The following ARHGEF28 variants were observed in gnomAD, a reference collection of about 807,000 sequenced individuals.
ARHGEF28 encodes the protein Rho guanine nucleotide exchange factor 28, also known as 190 kDa guanine nucleotide exchange factor.
Under a neutral mutation model 206.6 loss-of-function variants are expected in ARHGEF28, and 152 were observed. That is an observed-to-expected ratio of 0.74 (90% CI 0.64 to 0.84). ARHGEF28 has a LOEUF of 0.84. Among genes scored for constraint, ARHGEF28 ranks in the 40% least tolerant of loss-of-function variants. The pLI is 0.00. For synonymous variants in ARHGEF28, 763 were observed against 776.4 expected (o/e 0.98, Z 0.29); for missense variants, 2,028 against 2,073.2 (o/e 0.98, Z 0.42).
chr5:73,721,691 G>A (rs1749958871), intron 2 of ARHGEF28, among the ~76,000 whole-genome samples: 1 of 152,072 alleles, frequency 6.6e-6, no homozygotes, highest in Non-Finnish European at 1.5e-5. Context: ...TCCCACCTTG[G>A]CCTCCCAAGT....
At chr5:73,741,385 G>GTGTGTATA (rs1561371055) in intron 2 of ARHGEF28, among the ~76,000 whole-genome samples, 1 of 21,858 alleles carries the variant, frequency 4.6e-5, no homozygotes, top group African/African-American at 2.5e-4. Flanking sequence ...GTGTGTGTGT[G>GTGTGTATA]TATATATATA....
At chr5:73,782,268 G>A (rs893082651) in intron 7 of ARHGEF28, among the ~76,000 whole-genome samples, 18 of 151,992 alleles carry the variant, frequency 1.2e-4, no homozygotes, top group African/African-American at 4.1e-4. Flanking sequence ...GCGAAACCCC[G>A]TCTTTACTAA....
chr5:73,776,591 A>C lies in ARHGEF28; in HGVS notation c.735A>C (p.Ser245=). The part of the protein sequence containing the change: ...SEEASLHYIH[S]SETLTLTLNH... ...AAGCCTCCTTGCATTACATTCACTC[A>C]TCGGAAACGCTGACCCTGACCCTGA... The change falls in exon 6 of 36, where the codon TCA becomes TCC. Residue 245 remains serine (S), a synonymous_variant. Coordinates refer to ENST00000513042, the MANE Select transcript of ARHGEF28 (RefSeq NM_001177693.2). 1 of 1,613,902 alleles carries C rather than the reference A, an allele frequency of 6.2e-7. No homozygotes were observed. The highest frequency in any genetic ancestry group is 1.7e-5 in the Admixed American group (1 of 60,014).
intron 1 of ARHGEF28, among the ~76,000 whole-genome samples, chr5:73,627,943 A>G (rs1363092): frequency 0.24 from 36,057 of 152,032 alleles, 4,604 homozygotes; most frequent in African/African-American, 0.29. Flanking sequence ...AACAGGTTGT[A>G]TAGCAGGCGT....
chr5:73,692,933 G>T (rs184017477), intron 2 of ARHGEF28, among the ~76,000 whole-genome samples: 121 of 152,278 alleles, frequency 7.9e-4, no homozygotes, highest in African/African-American at 2.7e-3. Flanking sequence ...CCCCCAGTGG[G>T]CTACCTATGA....
intron 19 of ARHGEF28, 21 bp downstream of exon 19, chr5:73,868,041 A>G: frequency 1.2e-6 from 2 of 1,613,582 alleles, no homozygotes; most frequent in Non-Finnish European, 8.5e-7. Context: ...GTGTGTTTTT[A>G]CATATTAATG....
At chr5:73,863,316 C>T (rs1037112891) in intron 16 of ARHGEF28, 1 of 152,150 alleles carries the variant, frequency 6.6e-6, no homozygotes, top group Non-Finnish European at 1.5e-5. Context: ...GTGGCTTTGA[C>T]TGTCACTGCT....
intron 2 of ARHGEF28, among the ~76,000 whole-genome samples, chr5:73,709,050 C>T (rs1749099598): frequency 6.6e-6 from 1 of 152,044 alleles, no homozygotes; most frequent in Non-Finnish European, 1.5e-5. Context: ...TTGTTTTTGG[C>T]TTGTTGACCT....
chr5:73,876,081 C>A (rs1444118341), intron 22 of ARHGEF28, among the ~76,000 whole-genome samples: 7 of 149,074 alleles, frequency 4.7e-5, no homozygotes, highest in Non-Finnish European at 7.4e-5. Context: ...TTGTTTGTAT[C>A]CTCTTTTATT....
intron 6 of ARHGEF28, chr5:73,780,412 A>C: frequency 2.3e-6 from 1 of 433,838 alleles, no homozygotes; most frequent in South Asian, 2.7e-5. Context: ...ATTCCTGAGA[A>C]CCTTCTGCTT....
At chr5:73,864,943 CT>C (rs1446251767) in intron 17 of ARHGEF28, 71 bp downstream of exon 17, 3 of 1,376,584 alleles carry the variant, frequency 2.2e-6, no homozygotes, top group Non-Finnish European at 3.0e-6. Context: ...AGCTTTTACT[CT>C]TTTTTATTAC....
chr5:73,801,075 T>A (rs920304063), intron 9 of ARHGEF28, among the ~76,000 whole-genome samples: 4 of 152,100 alleles, frequency 2.6e-5, no homozygotes, highest in Admixed American at 1.3e-4. Flanking sequence ...AACCAAAAGT[T>A]CTTATATTAA....
intron 1 of ARHGEF28, among the ~76,000 whole-genome samples, chr5:73,665,793 T>C (rs1312238599): frequency 2.0e-5 from 3 of 152,138 alleles, no homozygotes; most frequent in African/African-American, 7.2e-5. Context: ...CTCAATACTG[T>C]TGCATTGGGG....
intron 1 of ARHGEF28, among the ~76,000 whole-genome samples, chr5:73,672,253 G>A (rs1580465517): frequency 6.6e-6 from 1 of 152,104 alleles, no homozygotes. Context: ...GGCTGATGAC[G>A]TTTGCTCTTT....
At chr5:73,856,236 C>T (rs1258031860) in intron 14 of ARHGEF28, among the ~76,000 whole-genome samples, 1 of 152,172 alleles carries the variant, frequency 6.6e-6, no homozygotes, top group East Asian at 1.9e-4. Flanking sequence ...GTAAAAATGA[C>T]TAGAGGTAGC....
At chr5:73,682,361 C>T (rs1317482504) in intron 1 of ARHGEF28, among the ~76,000 whole-genome samples, 1 of 151,654 alleles carries the variant, frequency 6.6e-6, no homozygotes, top group African/African-American at 2.4e-5. Context: ...TTTTCATATT[C>T]ACTTTCTTGC....
chr5:73,685,059 G>T lies in ARHGEF28; in HGVS notation c.33+175G>T, dbSNP rs144098989. 2.1e-3 allele frequency among the ~76,000 whole-genome samples: 321 copies of T among 152,232 alleles called. 1 individual carries two copies. Among genetic ancestry groups the T allele is most frequent in the African/African-American group, 7.3e-3 (304 of 41,530 alleles). ...TGCATGGAGCGTTTTAAAACTGGTT[G>T]GCTCCTGTTTTAAACTCTGGATTTT... On this transcript the variant is annotated intron_variant, in intron 2 of 35. Coordinates refer to ENST00000513042, the MANE Select transcript of ARHGEF28 (RefSeq NM_001177693.2).
chr5:73,901,341 C>G, intron 31 of ARHGEF28, 57 bp downstream of exon 31: 1 of 1,469,098 alleles, frequency 6.8e-7, no homozygotes, highest in Non-Finnish European at 9.4e-7. Flanking sequence ...AATAAAATAG[C>G]CTCAGGTTCT....
At chr5:73,763,401 G>C (rs11742057) in intron 4 of ARHGEF28, among the ~76,000 whole-genome samples, 32,648 of 152,128 alleles carry the variant, frequency 0.21, 3,747 homozygotes, top group Non-Finnish European at 0.26. Flanking sequence ...CAAGGGCACT[G>C]AATGGACCCT....
Sources: allele counts gnomAD v4.1 joint callset (sites outside exome capture counted in the v4.1 genomes callset), GRCh38; gene constraint gnomAD v4.1.1; transcripts MANE v1.5; gene names NCBI Gene and HGNC (gene_info 2026-07-23, HGNC 2026-07-21).